PLCB4: variants seen among roughly 807,000 people sequenced by gnomAD.
PLCB4 encodes the protein phospholipase C beta 4, also known as 1-phosphatidylinositol 4,5-bisphosphate phosphodiesterase beta-4.
Under a neutral mutation model 178.8 loss-of-function variants are expected in PLCB4, and 77 were observed. The observed-to-expected ratio is 0.43, with a 90% CI of 0.36 to 0.52. The LOEUF (loss-of-function observed/expected upper bound fraction) is 0.52, where lower values mean the gene tolerates loss of function less well. PLCB4 is among the 20% of genes least tolerant of loss of function. The pLI, the probability that PLCB4 is intolerant of heterozygous loss-of-function variation, is 0.00. For synonymous variants in PLCB4, 496 were observed against 490.8 expected, an observed-to-expected ratio of 1.01 and a Z score of -0.14; for missense variants, 1,024 against 1,453.4, an observed-to-expected ratio of 0.70 and a Z score of 4.80.
At chr20:9,255,807 G>T (rs1448559075) in intron 3 of PLCB4, among the ~76,000 whole-genome samples, 8 of 152,078 alleles carry the variant, frequency 5.3e-5, no homozygotes, top group African/African-American at 1.9e-4. Flanking sequence ...TGAAGTTGTG[G>T]CTGAGTGCAA....
At chr20:9,474,985 G>A (rs1233773114) in intron 38 of PLCB4, among the ~76,000 whole-genome samples, 1 of 152,184 alleles carries the variant, frequency 6.6e-6, no homozygotes, top group South Asian at 2.1e-4. Flanking sequence ...TTCTCAGAAA[G>A]TGCTCCTGGG....
intron 2 of PLCB4, among the ~76,000 whole-genome samples, chr20:9,177,616 A>G (rs986915571): frequency 2.0e-5 from 3 of 151,104 alleles, no homozygotes; most frequent in Non-Finnish European, 4.4e-5. Context: ...GTAGATGGAT[A>G]AGGGTGGGAA....
At chr20:9,151,045 A>G (rs1394292664) in intron 2 of PLCB4, among the ~76,000 whole-genome samples, 1 of 152,178 alleles carries the variant, frequency 6.6e-6, no homozygotes, top group African/African-American at 2.4e-5. Context: ...AAACAAATAC[A>G]GTAGGCCCTC....
chr20:9,303,662 C>T (rs2094730913), intron 3 of PLCB4, among the ~76,000 whole-genome samples: 1 of 152,122 alleles, frequency 6.6e-6, no homozygotes, highest in Non-Finnish European at 1.5e-5. Context: ...GTGCAGATAT[C>T]TCTTTGACCT....
chr20:9,328,302 G>A (rs1436866668), intron 4 of PLCB4, among the ~76,000 whole-genome samples: 1 of 152,166 alleles, frequency 6.6e-6, no homozygotes, highest in Non-Finnish European at 1.5e-5. Flanking sequence ...AGATTGTAAG[G>A]AAAGCAACAG....
intron 7 of PLCB4, among the ~76,000 whole-genome samples, chr20:9,353,260 T>C (rs1354371353): frequency 6.6e-6 from 1 of 152,224 alleles, no homozygotes; most frequent in African/African-American, 2.4e-5. Context: ...GGATGGCAGC[T>C]TAGCTCCTTT....
intron 7 of PLCB4, among the ~76,000 whole-genome samples, chr20:9,347,957 A>G (rs1242959743): frequency 2.0e-5 from 3 of 152,232 alleles, no homozygotes; most frequent in African/African-American, 4.8e-5. Context: ...GTGGCAACAG[A>G]GTGAGACTCC....
At chr20:9,342,240 T>A (rs1437734588) in intron 7 of PLCB4, among the ~76,000 whole-genome samples, 6 of 152,196 alleles carry the variant, frequency 3.9e-5, no homozygotes, top group Non-Finnish European at 5.9e-5. Context: ...GTGAAAGTCT[T>A]TATATGAAAT....
intron 2 of PLCB4, among the ~76,000 whole-genome samples, chr20:9,100,478 T>C (rs994147862): frequency 6.6e-6 from 1 of 151,774 alleles, no homozygotes; most frequent in African/African-American, 2.4e-5. Context: ...AACAGGAAAA[T>C]TAAAGAAAAA....
chr20:9,078,374 C>CTTT (rs2089982305), intron 1 of PLCB4, among the ~76,000 whole-genome samples: 1 of 127,256 alleles, frequency 7.9e-6, no homozygotes, highest in Non-Finnish European at 1.7e-5. Context: ...TTTTCTTCTT[C>CTTT]TCTTCTTTTC....
At position 9,390,573 on chromosome 20, in the gene PLCB4, A is replaced by G. The variant is rs1349288132; in HGVS notation, c.1281A>G (p.Leu427=). The G allele has an allele frequency of 6.3e-6, 10 of 1,586,692 alleles. No individual in the cohort carries two copies. The highest frequency in any genetic ancestry group is 8.7e-6 in the Non-Finnish European group (10 of 1,155,190). ...QYKMSKYCED[L]FGDLLLKQAL... ...AGATGTCCAAATATTGCGAAGATCT[A>G]TTTGGGGATCTCCTGTTGAAACAAG... The change falls in exon 17 of 40, where the codon CTA becomes CTG. Residue 427 remains leucine (L), a synonymous_variant. Transcript: ENST00000378473.
chr20:9,431,989 A>G (rs1488214415), intron 28 of PLCB4, among the ~76,000 whole-genome samples: 1 of 152,178 alleles, frequency 6.6e-6, no homozygotes, highest in Non-Finnish European at 1.5e-5. Context: ...TTTTTGCACT[A>G]AGATATTCCT....
intron 2 of PLCB4, among the ~76,000 whole-genome samples, chr20:9,124,313 C>T (rs960497395): frequency 1.3e-5 from 2 of 151,972 alleles, no homozygotes; most frequent in African/African-American, 4.8e-5. Context: ...CAAGACCAGC[C>T]TGGGCAAAAA....
chr20:9,443,661 C>A (rs760438373), intron 30 of PLCB4, among the ~76,000 whole-genome samples: 1 of 152,130 alleles, frequency 6.6e-6, no homozygotes, highest in African/African-American at 2.4e-5. Context: ...TGGAAACACA[C>A]CCTACCTTGT....
At position 9,336,482 on chromosome 20, in the gene PLCB4, G is replaced by A. The variant is rs566857370; in HGVS notation, c.85-644G>A. ...GGTTGTCAAACTTTCGTGTGTGTTCGAATCTTCTAGAGGGCTTGTTGGAAC... is the reference window on the plus strand; with the variant it reads ...GGTTGTCAAACTTTCGTGTGTGTTCAAATCTTCTAGAGGGCTTGTTGGAAC... On this transcript the variant is annotated intron_variant, in intron 4 of 39. Transcript: ENST00000378473. Among the ~76,000 whole-genome samples, 7 of 152,136 alleles carry A rather than the reference G, an allele frequency of 4.6e-5. No individual in the cohort carries two copies. The East Asian group carries it at 9.7e-4, about 21-fold the overall frequency.
chr20:9,311,222 C>A (rs1246590540), intron 4 of PLCB4, among the ~76,000 whole-genome samples: 1 of 152,146 alleles, frequency 6.6e-6, no homozygotes, highest in Non-Finnish European at 1.5e-5. Context: ...AGGTGCTTAC[C>A]CACTTTTGAT....
chr20:9,105,304 A>C (rs979658169), intron 2 of PLCB4, among the ~76,000 whole-genome samples: 2 of 152,166 alleles, frequency 1.3e-5, no homozygotes, highest in Non-Finnish European at 2.9e-5. Context: ...CTAAGTAAGG[A>C]AAGCTACAAA....
chr20:9,088,018 A>G (rs980627049), intron 1 of PLCB4, among the ~76,000 whole-genome samples: 2 of 152,144 alleles, frequency 1.3e-5, no homozygotes, highest in African/African-American at 4.8e-5. Context: ...GCCTGCTTCT[A>G]CTTCTACTGG....
At chr20:9,367,641 T>C (rs925398518) in intron 9 of PLCB4, among the ~76,000 whole-genome samples, 1 of 152,252 alleles carries the variant, frequency 6.6e-6, no homozygotes, top group African/African-American at 2.4e-5. Flanking sequence ...TCCTGCTTTT[T>C]CTTCCAAGAT....
Sources: allele counts gnomAD v4.1 joint callset (sites outside exome capture counted in the v4.1 genomes callset), GRCh38; gene constraint gnomAD v4.1.1; transcripts MANE v1.5; gene names NCBI Gene and HGNC (gene_info 2026-07-23, HGNC 2026-07-21).